PGM3: variants seen among roughly 807,000 people sequenced by gnomAD.
PGM3 encodes the protein phosphoacetylglucosamine mutase.
A neutral mutation model predicts 66.2 loss-of-function variants in PGM3; 40 were observed. The observed-to-expected ratio is 0.60, with a 90% CI of 0.47 to 0.79. PGM3 has a LOEUF of 0.79. Ranked by LOEUF, PGM3 falls within the 30% of genes least tolerant of loss-of-function variation. The pLI, the probability that PGM3 is intolerant of heterozygous loss-of-function variation, is 0.00. For missense variants in PGM3, 537 were observed against 643.4 expected (o/e 0.83, Z 1.79); for synonymous variants, 191 against 224.2 (o/e 0.85, Z 1.32).
chr6:83,154,312 T>A, the PGM3 span: 1 of 1,400,526 alleles, frequency 7.1e-7, no homozygotes, highest in Non-Finnish European at 1.0e-6. Flanking sequence ...ACTTGTACTC[T>A]TTTCTGGAGA....
downstream of PGM3, chr6:83,156,222 A>G: frequency 1.3e-6 from 1 of 784,302 alleles, no homozygotes; most frequent in Admixed American, 3.3e-5. Context: ...ATCGGGAATT[A>G]GAAATTTTTC....
At position 83,191,006 on chromosome 6, in the gene PGM3, A is replaced by G. The variant is rs761737042; in HGVS notation, c.7T>C (p.Leu3=). Reference sequence around the variant, plus strand: ...GCTGAGTATTTTGTAATAGCACCTAAATCCATGTCTACAAAATTAAGAAAT... The same window carrying G: ...GCTGAGTATTTTGTAATAGCACCTAGATCCATGTCTACAAAATTAAGAAAT... The part of the protein sequence containing the change: MD[L]GAITKYSALH... Residue 3 remains leucine, a synonymous_variant, in exon 2 of 13, where the codon TTA becomes CTA. Transcript: ENST00000513973. 6.2e-7 allele frequency: 1 copy of G among 1,612,160 alleles called. No individual in the cohort carries two copies. The highest frequency in any genetic ancestry group is 8.5e-7 in the Non-Finnish European group (1 of 1,178,178).
intron 10 of PGM3, 103 bp from the exon 11 acceptor site, chr6:83,172,162 T>C: frequency 2.6e-6 from 3 of 1,169,918 alleles, no homozygotes; most frequent in East Asian, 2.4e-5. Flanking sequence ...TTGAACAACC[T>C]GAATCTGAAA....
intron 6 of PGM3, 43 bp from the exon 7 acceptor site, chr6:83,180,010 T>A (rs1562421676): frequency 8.2e-6 from 12 of 1,467,200 alleles, no homozygotes; most frequent in Non-Finnish European, 1.0e-5. Flanking sequence ...GTCTAAGAAT[T>A]TATTATAAAG....
intron 7 of PGM3, 57 bp downstream of exon 7, chr6:83,179,753 T>C: frequency 7.7e-7 from 1 of 1,299,828 alleles, no homozygotes; most frequent in Non-Finnish European, 1.1e-6. Flanking sequence ...TTGTAAAATA[T>C]GGAACTATTT....
Position 83,165,902 on chromosome 6 carries a change from C to G in PGM3, c.*3332G>C, listed in dbSNP as rs1403272452. ...ATACTTATCAGATGTAATGGTTTCA[C>G]CTGGATTCAGAAAGCTGTAGTGGAT... On this transcript the variant is annotated 3_prime_UTR_variant, in exon 13 of 13. Transcript: ENST00000513973. 2 of 405,918 alleles carry G rather than the reference C, an allele frequency of 4.9e-6. No individual in the cohort carries two copies. The highest frequency in any genetic ancestry group is 1.5e-4 in the East Asian group (2 of 13,228). 25.1% of individuals were successfully genotyped at this position (405,918 alleles called of 1,614,324 possible). A position where few individuals can be genotyped will look rare whatever the true frequency, so the allele number is the denominator to read the frequency against.
chr6:83,156,990 T>C (rs907175154), downstream of PGM3, among the ~76,000 whole-genome samples: 6 of 152,190 alleles, frequency 3.9e-5, no homozygotes, highest in Admixed American at 3.3e-4. Context: ...AAAATGACAT[T>C]TGTATTTTGT....
At chr6:83,186,869 T>A (rs574551726) in intron 4 of PGM3, 139 bp downstream of exon 4, 4 of 500,064 alleles carry the variant, frequency 8.0e-6, no homozygotes, top group South Asian at 3.4e-5. Context: ...AAAGTTAGTA[T>A]TTTGTATCTA....
chr6:83,188,685 A>G lies in PGM3; in HGVS notation c.318T>C (p.Leu106=). 6.2e-7 allele frequency: 1 copy of G among 1,613,876 alleles called. No homozygotes were observed. The highest frequency in any genetic ancestry group is 8.5e-7 in the Non-Finnish European group (1 of 1,179,760). Reference sequence around the variant, plus strand: ...CAGCTTCTTTCTCGCTGATGTCAATAAGCACTCTCTGCATATCTTGTTCCT... The same window carrying G: ...CAGCTTCTTTCTCGCTGATGTCAATGAGCACTCTCTGCATATCTTGTTCCT... ...NAEEQDMQRV[L]IDISEKEAVN... Residue 106 remains leucine (L), a synonymous_variant, in exon 3 of 13, where the codon CTT becomes CTC. Transcript: ENST00000513973.
At chr6:83,155,164 A>G in the PGM3 span, among the ~76,000 whole-genome samples, 61 of 152,244 alleles carry the variant, frequency 4.0e-4, 1 homozygote, top group Middle Eastern at 0.01. Flanking sequence ...AATAGGGAAC[A>G]AGAATTACAA....
In PGM3 at chr6:83,168,330, C is replaced by T; in HGVS notation, c.*904G>A. On this transcript the variant is annotated 3_prime_UTR_variant, in exon 13 of 13. Transcript: ENST00000513973. ...TATAAGAGCAAATGTCTGAATGTGG[C>T]CTGAATCAAGTTTAAATATTGTTGG... 7.1e-7 allele frequency: 1 copy of T among 1,416,414 alleles called. No homozygotes were observed. The highest frequency in any genetic ancestry group is 9.2e-7 in the Non-Finnish European group (1 of 1,090,960). The allele number at this position is 1,416,414 out of a possible 1,614,324, so 87.7% of individuals were successfully genotyped here. A position where few individuals can be genotyped will look rare whatever the true frequency, so the allele number is the denominator to read the frequency against.
chr6:83,152,240 T>C, the PGM3 span: 9 of 1,135,646 alleles, frequency 7.9e-6, no homozygotes, highest in African/African-American at 1.3e-4. Context: ...ACATAAAATT[T>C]ATTTTCAGTG....
At chr6:83,159,745 T>C, downstream of PGM3, 1 of 1,601,854 alleles carries the variant, frequency 6.2e-7, no homozygotes, top group Non-Finnish European at 8.5e-7. Flanking sequence ...TTCCAGGAAT[T>C]CCTGTGAGTA....
Position 83,170,382 on chromosome 6 carries a change from ACTT to A in PGM3, c.1459_1461del (p.Lys487del). Reference sequence around the variant, plus strand: ...CGGACAAAAGCTCGAGAAAGCTTGTACTTCTTCACCAGGTCATTGATTGCCTCC... The same window carrying A: ...CGGACAAAAGCTCGAGAAAGCTTGTACTTCACCAGGTCATTGATTGCCTCC... On this transcript the variant is annotated inframe_deletion, in exon 12 of 13. Transcript: ENST00000513973. 1.2e-6 allele frequency: 2 copies of A among 1,614,122 alleles called. No individual in the cohort carries two copies. Among genetic ancestry groups the A allele is most frequent in the Non-Finnish European group, 1.7e-6 (2 of 1,180,014 alleles).
chr6:83,158,201 G>C (rs531399969), downstream of PGM3, among the ~76,000 whole-genome samples: 12 of 151,992 alleles, frequency 7.9e-5, no homozygotes, highest in South Asian at 1.2e-3. Context: ...CGGGGTTTCA[G>C]CATGTTAGCC....
chr6:83,191,559 G>A (rs1339261853), intron 1 of PGM3, among the ~76,000 whole-genome samples: 1 of 152,314 alleles, frequency 6.6e-6, no homozygotes, highest in Non-Finnish European at 1.5e-5. Flanking sequence ...AAAGCAAAAG[G>A]CAACAGTTTC....
At chr6:83,184,487 C>A (rs1788430405) in intron 4 of PGM3, among the ~76,000 whole-genome samples, 1 of 152,038 alleles carries the variant, frequency 6.6e-6, no homozygotes, top group Non-Finnish European at 1.5e-5. Context: ...CTAGAGGAAC[C>A]CATTATTCTA....
downstream of PGM3, among the ~76,000 whole-genome samples, chr6:83,158,156 A>G (rs947437112): frequency 4.0e-5 from 6 of 151,498 alleles, no homozygotes; most frequent in East Asian, 3.9e-4. Flanking sequence ...CTGCCACCAC[A>G]CCCAGCTAAT....
In PGM3 at chr6:83,174,341, T is replaced by G. The variant is rs1294263633; in HGVS notation, c.1242+33A>C. The G allele has an allele frequency of 3.7e-6, 4 of 1,094,144 alleles. No homozygotes were observed. The African/African-American group carries it at 6.2e-5, about 17-fold the overall frequency. 67.8% of individuals were successfully genotyped at this position (1,094,144 alleles called of 1,614,324 possible). ...GTCCATCTTCTGAATAATGTAAAGG[T>G]AACCAAGAGTCCACTGCCCCATCAG... On this transcript the variant is annotated intron_variant, in intron 10 of 12. Coordinates refer to ENST00000513973, the MANE Select transcript of PGM3 (RefSeq NM_015599.3).
Sources: allele counts gnomAD v4.1 joint callset (sites outside exome capture counted in the v4.1 genomes callset), GRCh38; gene constraint gnomAD v4.1.1; transcripts MANE v1.5; gene names NCBI Gene and HGNC (gene_info 2026-07-23, HGNC 2026-07-21).